DLG2: variants seen among roughly 807,000 people sequenced by gnomAD.
DLG2 encodes the protein discs large MAGUK scaffold protein 2.
In DLG2, 45 loss-of-function variants were observed where a neutral mutation model predicts 132.5. The ratio of observed to expected loss-of-function variants is 0.34; its 90% CI spans 0.27 to 0.44. DLG2 has a LOEUF of 0.44. Among genes scored for constraint, DLG2 ranks in the 20% least tolerant of loss-of-function variants. The probability of loss-of-function intolerance (pLI) is 1.00; values close to 1 mark genes in which losing one functional copy is unlikely to be tolerated. For missense variants in DLG2, 1,045 were observed against 1,196.9 expected, an observed-to-expected ratio of 0.87 and a Z score of 1.87; for synonymous variants, 424 against 419.6, an observed-to-expected ratio of 1.01 and a Z score of -0.13.
At chr11:85,485,823 T>C (rs1231212013) in intron 3 of DLG2, among the ~76,000 whole-genome samples, 1 of 152,190 alleles carries the variant, frequency 6.6e-6, no homozygotes, top group African/African-American at 2.4e-5. Context: ...ATCTGAGCCC[T>C]GAGCAGCTGC....
intron 3 of DLG2, among the ~76,000 whole-genome samples, chr11:85,392,554 T>C (rs949219066): frequency 1.9e-4 from 29 of 152,180 alleles, no homozygotes; most frequent in African/African-American, 6.5e-4. Context: ...GGCATCATAC[T>C]ACCTGACTTC....
intron 6 of DLG2, among the ~76,000 whole-genome samples, chr11:84,913,225 C>G (rs977449167): frequency 2.6e-5 from 4 of 152,172 alleles, no homozygotes; most frequent in East Asian, 1.9e-4. Flanking sequence ...AACCCCAGCT[C>G]AAAGCCATTA....
At chr11:83,885,134 G>T (rs557541738) in intron 15 of DLG2, among the ~76,000 whole-genome samples, 96 of 152,144 alleles carry the variant, frequency 6.3e-4, no homozygotes, top group Non-Finnish European at 1.2e-3. Context: ...AGGCTTCAGA[G>T]CATCAAACTA....
intron 17 of DLG2, among the ~76,000 whole-genome samples, chr11:83,816,853 C>T (rs1272519023): frequency 6.6e-6 from 1 of 152,134 alleles, no homozygotes; most frequent in Non-Finnish European, 1.5e-5. Context: ...ATGTCAGACA[C>T]AATATCTTAT....
chr11:83,747,105 G>A (rs1010105956), intron 18 of DLG2, among the ~76,000 whole-genome samples: 1 of 152,224 alleles, frequency 6.6e-6, no homozygotes, highest in South Asian at 2.1e-4. Context: ...AGTGGTGGGA[G>A]GTTGGAGTGA....
intron 18 of DLG2, among the ~76,000 whole-genome samples, chr11:83,748,569 G>A (rs1051395609): frequency 2.0e-5 from 3 of 152,082 alleles, no homozygotes; most frequent in South Asian, 2.1e-4. Context: ...ACAATCACAG[G>A]GATATGTCCA....
intron 7 of DLG2, among the ~76,000 whole-genome samples, chr11:84,308,019 C>T (rs1011009978): frequency 6.6e-6 from 1 of 152,138 alleles, no homozygotes; most frequent in Non-Finnish European, 1.5e-5. Context: ...GAGTGAGCAG[C>T]AGCAAGATTT....
chr11:85,396,055 C>T (rs1039091062), intron 3 of DLG2, among the ~76,000 whole-genome samples: 3 of 152,112 alleles, frequency 2.0e-5, no homozygotes, highest in South Asian at 2.1e-4. Context: ...TCCTCTGGGA[C>T]GATGCTTCCA....
intron 6 of DLG2, among the ~76,000 whole-genome samples, chr11:84,949,038 C>T (rs1463198445): frequency 2.6e-5 from 4 of 152,110 alleles, no homozygotes; most frequent in Non-Finnish European, 4.4e-5. Context: ...TCGGAGGACC[C>T]GCCCCGAAAA....
chr11:85,187,573 A>T (rs368895912), intron 4 of DLG2, among the ~76,000 whole-genome samples: 1 of 152,316 alleles, frequency 6.6e-6, no homozygotes, highest in East Asian at 1.9e-4. Context: ...GAAATGACCA[A>T]AAGTGTACAA....
At chr11:84,767,222 CTG>C (rs1389954310) in intron 6 of DLG2, among the ~76,000 whole-genome samples, 1 of 151,924 alleles carries the variant, frequency 6.6e-6, no homozygotes, top group Non-Finnish European at 1.5e-5. Flanking sequence ...TGCAAGTTAA[CTG>C]TATCTTATAT....
intron 5 of DLG2, among the ~76,000 whole-genome samples, chr11:85,140,244 T>A (rs1031529125): frequency 1.3e-5 from 2 of 151,964 alleles, no homozygotes; most frequent in African/African-American, 4.8e-5. Flanking sequence ...CATACTGTTT[T>A]CCATAATGGC....
At chr11:85,381,646 G>A (rs2085899466) in intron 3 of DLG2, among the ~76,000 whole-genome samples, 2 of 152,094 alleles carry the variant, frequency 1.3e-5, no homozygotes, top group South Asian at 4.1e-4. Flanking sequence ...ACTAATAAAT[G>A]AGTTCAGCAA....
At chr11:83,609,457 C>T (rs2059802798) in intron 19 of DLG2, among the ~76,000 whole-genome samples, 1 of 152,166 alleles carries the variant, frequency 6.6e-6, no homozygotes. Context: ...CTGGAAATGA[C>T]AGAATTTTGA....
chr11:85,598,819 A>T (rs1188384968), intron 2 of DLG2, 31 bp from the exon 3 acceptor site: 5 of 610,332 alleles, frequency 8.2e-6, no homozygotes, highest in Non-Finnish European at 1.3e-5. Flanking sequence ...ATTATATTTT[A>T]TGGTCTTAGC....
intron 18 of DLG2, among the ~76,000 whole-genome samples, chr11:83,750,077 A>G (rs2093204226): frequency 6.6e-6 from 1 of 152,154 alleles, no homozygotes; most frequent in Non-Finnish European, 1.5e-5. Flanking sequence ...TCATGGACAA[A>G]GACTAAAAGG....
intron 9 of DLG2, among the ~76,000 whole-genome samples, chr11:84,122,031 T>C (rs1331378279): frequency 6.6e-6 from 1 of 151,508 alleles, no homozygotes; most frequent in African/African-American, 2.4e-5. Flanking sequence ...TGGTGAAAAA[T>C]AATTCTGGGC....
At chr11:83,658,773 A>T (rs2073444890) in intron 18 of DLG2, among the ~76,000 whole-genome samples, 1 of 152,224 alleles carries the variant, frequency 6.6e-6, no homozygotes, top group Non-Finnish European at 1.5e-5. Context: ...AAGCACCTTA[A>T]AGAAGTTTAC....
chr11:83,606,634 A>T (rs1403684244), intron 19 of DLG2, among the ~76,000 whole-genome samples: 1 of 46,422 alleles, frequency 2.2e-5, no homozygotes, highest in Non-Finnish European at 4.0e-5. Flanking sequence ...AGTGTTTGTT[A>T]AAAAAAAAAA....
Sources: allele counts gnomAD v4.1 joint callset (sites outside exome capture counted in the v4.1 genomes callset), GRCh38; gene constraint gnomAD v4.1.1; transcripts MANE v1.5; gene names NCBI Gene and HGNC (gene_info 2026-07-23, HGNC 2026-07-21).